Variants in NTRK3 observed in about 807,000 individuals in gnomAD.
NTRK3 encodes the protein NT-3 growth factor receptor.
A neutral mutation model predicts 91.7 loss-of-function variants in NTRK3; 24 were observed. That is an observed-to-expected ratio of 0.26 (90% confidence interval 0.19 to 0.37). The LOEUF (loss-of-function observed/expected upper bound fraction) is 0.37. NTRK3 is among the 10% of genes least tolerant of loss of function. NTRK3 has a pLI of 1.00. For synonymous variants in NTRK3, 483 were observed against 404.0 expected, an observed-to-expected ratio of 1.20 and a Z score of -2.34; for missense variants, 880 against 1,068.9, an observed-to-expected ratio of 0.82 and a Z score of 2.46.
In NTRK3 at chr15:87,921,712, G is replaced by A. The variant is rs75002102; in HGVS notation, c.2133+7479C>T. Among the ~76,000 whole-genome samples, 598 of 152,152 alleles carry A rather than the reference G, an allele frequency of 3.9e-3. 6 individuals are homozygous for A. The highest frequency in any genetic ancestry group is 0.013 in the African/African-American group (559 of 41,520). On this transcript the variant is annotated intron_variant, in intron 17 of 18. Transcript: ENST00000394480. ...AAGCTTGTCTGATTTTGGGGACTGCGCATGGGGCCACAACCCCTTCCCTTT... is the reference window on the plus strand; with the variant it reads ...AAGCTTGTCTGATTTTGGGGACTGCACATGGGGCCACAACCCCTTCCCTTT...
chr15:88,066,770 A>G (rs1028502397), intron 13 of NTRK3, among the ~76,000 whole-genome samples: 6 of 152,014 alleles, frequency 3.9e-5, no homozygotes, highest in Non-Finnish European at 7.4e-5. Flanking sequence ...CCTGGGATGG[A>G]CTTTCTTCTC....
At chr15:88,119,025 G>A (rs1455928837) in intron 13 of NTRK3, among the ~76,000 whole-genome samples, 3 of 152,192 alleles carry the variant, frequency 2.0e-5, no homozygotes, top group Admixed American at 6.5e-5. Flanking sequence ...AAAATATTTT[G>A]CATCAGCCTC....
At chr15:88,202,380 C>T (rs2048378566) in intron 3 of NTRK3, among the ~76,000 whole-genome samples, 1 of 152,238 alleles carries the variant, frequency 6.6e-6, no homozygotes, top group Non-Finnish European at 1.5e-5. Flanking sequence ...GCTCCTCTCC[C>T]AGCCAGCTGC....
chr15:88,071,286 G>T (rs1473003420), intron 13 of NTRK3, among the ~76,000 whole-genome samples: 1 of 152,234 alleles, frequency 6.6e-6, no homozygotes, highest in Non-Finnish European at 1.5e-5. Context: ...GAGCAGCCTG[G>T]CTGGGAGGCC....
At chr15:87,888,085 G>A (rs975617353) in intron 17 of NTRK3, among the ~76,000 whole-genome samples, 1 of 152,166 alleles carries the variant, frequency 6.6e-6, no homozygotes, top group Non-Finnish European at 1.5e-5. Flanking sequence ...GGATTGCACT[G>A]GGGAAGAGCC....
At chr15:88,210,793 TA>T (rs1243169609) in intron 3 of NTRK3, among the ~76,000 whole-genome samples, 1 of 152,190 alleles carries the variant, frequency 6.6e-6, no homozygotes, top group Non-Finnish European at 1.5e-5. Flanking sequence ...CCAAAGAGCA[TA>T]ACTTCTGCGT....
chr15:87,860,171 T>A (rs550651372), exon 19 of NTRK3: 76 of 222,932 alleles, frequency 3.4e-4, no homozygotes, highest in African/African-American at 1.5e-3. Context: ...TAGATTCCGA[T>A]GAAGACACAT....
chr15:88,074,290 C>T (rs1040917445), intron 13 of NTRK3, among the ~76,000 whole-genome samples: 4 of 152,226 alleles, frequency 2.6e-5, no homozygotes, highest in Non-Finnish European at 5.9e-5. Flanking sequence ...GGTCCAGCTC[C>T]ATCCATTAGA....
At chr15:87,961,440 A>T (rs2072281897) in intron 14 of NTRK3, among the ~76,000 whole-genome samples, 1 of 152,282 alleles carries the variant, frequency 6.6e-6, no homozygotes, top group African/African-American at 2.4e-5. Flanking sequence ...GAGATTTTTT[A>T]AAGTCGCATT....
At chr15:88,075,553 C>A (rs8026712) in intron 13 of NTRK3, among the ~76,000 whole-genome samples, 1 of 151,332 alleles carries the variant, frequency 6.6e-6, no homozygotes, top group Non-Finnish European at 1.5e-5. Flanking sequence ...CATTCACATT[C>A]CCTTCTTATA....
exon 18 of NTRK3, chr15:87,880,369 C>T (rs185398864): frequency 6.2e-7 from 1 of 1,614,148 alleles, no homozygotes. Flanking sequence ...TAGTGAACTT[C>T]CGGTACATGA....
chr15:88,158,851 C>G (rs60701857), intron 5 of NTRK3, among the ~76,000 whole-genome samples: 4,571 of 152,064 alleles, frequency 0.03, 228 homozygotes, highest in African/African-American at 0.1. Flanking sequence ...TGCTGATGTG[C>G]CCAAGACATC....
At chr15:88,134,931 C>T (rs1156656509) in intron 10 of NTRK3, among the ~76,000 whole-genome samples, 170 bp downstream of exon 10, 1 of 152,200 alleles carries the variant, frequency 6.6e-6, no homozygotes, top group Non-Finnish European at 1.5e-5. Context: ...AGACTCTATC[C>T]TTGTTTATAC....
intron 3 of NTRK3, among the ~76,000 whole-genome samples, chr15:88,242,251 CT>C (rs2052430344): frequency 6.6e-6 from 1 of 152,166 alleles, no homozygotes; most frequent in South Asian, 2.1e-4. Context: ...ACTCGCTTCT[CT>C]TGCCTTTCCG....
At chr15:88,183,698 C>T (rs1242343868) in intron 4 of NTRK3, among the ~76,000 whole-genome samples, 2 of 152,182 alleles carry the variant, frequency 1.3e-5, no homozygotes, top group African/African-American at 2.4e-5. Context: ...CCCCGTGAGG[C>T]TGGGAGGTCA....
At chr15:87,984,269 C>T (rs536508334) in intron 14 of NTRK3, among the ~76,000 whole-genome samples, 47 of 152,294 alleles carry the variant, frequency 3.1e-4, no homozygotes, top group African/African-American at 1.0e-3. Flanking sequence ...TGGACAGAAA[C>T]GAGTGAATCT....
intron 3 of NTRK3, among the ~76,000 whole-genome samples, chr15:88,236,328 G>T (rs1197732463): frequency 5.3e-5 from 8 of 152,028 alleles, no homozygotes; most frequent in Admixed American, 2.0e-4. Flanking sequence ...GATATTATAT[G>T]ATTCCATTTC....
At chr15:88,227,973 C>T (rs1037866907) in intron 3 of NTRK3, among the ~76,000 whole-genome samples, 3 of 152,188 alleles carry the variant, frequency 2.0e-5, no homozygotes, top group Non-Finnish European at 4.4e-5. Flanking sequence ...GGCTTCAGCC[C>T]TCACCTCTAG....
chr15:87,975,435 A>T (rs1261368875), intron 14 of NTRK3, among the ~76,000 whole-genome samples: 1 of 152,162 alleles, frequency 6.6e-6, no homozygotes, highest in Non-Finnish European at 1.5e-5. Context: ...ATCCCGCAGG[A>T]TCAAAATGTA....
Sources: gnomAD v4.1 joint callset for allele counts (sites outside exome capture counted in the v4.1 genomes callset) on GRCh38, gnomAD v4.1.1 for gene constraint, MANE v1.5 for transcripts, NCBI Gene and HGNC (gene_info 2026-07-23, HGNC 2026-07-21) for gene names.